Variants in SLC35D2 observed in about 807,000 individuals in gnomAD.
SLC35D2 encodes nucleotide sugar transporter SLC35D2.
Under a neutral mutation model 41.8 loss-of-function variants are expected in SLC35D2, and 43 were observed. That is an observed-to-expected ratio of 1.03 (90% CI 0.81 to 1.33). The LOEUF (loss-of-function observed/expected upper bound fraction) is 1.33, where lower values mean the gene tolerates loss of function less well. Ranked by LOEUF, SLC35D2 falls within the 40% of genes most tolerant of loss-of-function variation. The probability of loss-of-function intolerance (pLI) is 0.00; values close to 1 mark genes in which losing one functional copy is unlikely to be tolerated. For missense variants in SLC35D2, 380 were observed against 408.4 expected, an observed-to-expected ratio of 0.93 and a Z score of 0.60; for synonymous variants, 150 against 163.9, an observed-to-expected ratio of 0.92 and a Z score of 0.65.
At chr9:96,333,058 C>A (rs1407600947) in intron 9 of SLC35D2, among the ~76,000 whole-genome samples, 2 of 150,474 alleles carry the variant, frequency 1.3e-5, no homozygotes, top group African/African-American at 4.9e-5. Flanking sequence ...GCCACCAGGC[C>A]CAGCTAATTT....
At chr9:96,354,432 CA>C (rs1829935552) in intron 4 of SLC35D2, among the ~76,000 whole-genome samples, 1 of 152,010 alleles carries the variant, frequency 6.6e-6, no homozygotes, top group African/African-American at 2.4e-5. Flanking sequence ...AACGAATATA[CA>C]AAAGTCAACT....
intron 1 of SLC35D2, among the ~76,000 whole-genome samples, chr9:96,377,266 G>A (rs1831000517): frequency 6.6e-6 from 1 of 152,090 alleles, no homozygotes; most frequent in Admixed American, 6.6e-5. Context: ...GGTAGGAAAA[G>A]CATTCGGGTA....
intron 4 of SLC35D2, among the ~76,000 whole-genome samples, chr9:96,353,802 T>C (rs1276446392): frequency 6.6e-6 from 1 of 152,228 alleles, no homozygotes; most frequent in East Asian, 1.9e-4. Flanking sequence ...GCTCAGCGCA[T>C]AGTCAACAGA....
rs192956074 is a variant in SLC35D2, at chr9:96,363,126, C to T, written c.279+1338G>A. Among the ~76,000 whole-genome samples the T allele has an allele frequency of 7.2e-3, 1,087 of 151,902 alleles. 11 individuals are homozygous for T. Among genetic ancestry groups the T allele is most frequent in the Middle Eastern group, 0.034 (10 of 292 alleles). ...TCGTGATCTGCCTGCCTTGGCCTCC[C>T]GAAGTGCTGGGATTACAGGCGTGAG... is the stretch of plus-strand genomic sequence containing the variant. On this transcript the variant is annotated intron_variant, in intron 3 of 11. Transcript: ENST00000253270.
intron 6 of SLC35D2, 85 bp downstream of exon 6, chr9:96,351,018 T>C: frequency 2.0e-6 from 2 of 1,021,386 alleles, no homozygotes; most frequent in African/African-American, 1.6e-5. Flanking sequence ...AGCAGCCAGA[T>C]GGAAAATGAA....
intron 1 of SLC35D2, among the ~76,000 whole-genome samples, chr9:96,376,317 C>T (rs1021915177): frequency 7.5e-6 from 1 of 133,508 alleles, no homozygotes; most frequent in Non-Finnish European, 1.6e-5. Flanking sequence ...AAAAAAAATA[C>T]AAAAACTGGC....
chr9:96,362,955 C>T (rs1587707585), intron 3 of SLC35D2, among the ~76,000 whole-genome samples: 1 of 151,608 alleles, frequency 6.6e-6, no homozygotes, highest in East Asian at 1.9e-4. Context: ...CAACCTCTGC[C>T]TCCTGGGTTC....
chr9:96,376,958 G>A (rs187328586), intron 1 of SLC35D2, among the ~76,000 whole-genome samples: 70 of 150,582 alleles, frequency 4.6e-4, no homozygotes, highest in African/African-American at 1.6e-3. Context: ...TGTGGTTTTC[G>A]GCTCACAACA....
chr9:96,337,404 G>C (rs921726611), intron 8 of SLC35D2, among the ~76,000 whole-genome samples: 47 of 151,314 alleles, frequency 3.1e-4, no homozygotes, highest in African/African-American at 1.1e-3. Context: ...TTTAAGTAGA[G>C]ACAGGGTCTC....
downstream of SLC35D2, among the ~76,000 whole-genome samples, chr9:96,317,514 AGGGCTGCT>A (rs1828081710): frequency 6.6e-6 from 1 of 152,168 alleles, no homozygotes; most frequent in South Asian, 2.1e-4. Flanking sequence ...CCCAGCTCCT[AGGGCTGCT>A]GGGCTGCTCT....
chr9:96,351,205 A>G (rs1346903539), intron 5 of SLC35D2, 34 bp from the exon 6 acceptor site: 2 of 1,403,610 alleles, frequency 1.4e-6, no homozygotes, highest in Non-Finnish European at 2.0e-6. Flanking sequence ...AAGGAAAGGG[A>G]GCAGAGAGGA....
intron 1 of SLC35D2, among the ~76,000 whole-genome samples, chr9:96,382,156 T>G (rs1334430918): frequency 6.6e-6 from 1 of 151,992 alleles, no homozygotes; most frequent in African/African-American, 2.4e-5. Context: ...CGAGCTTATG[T>G]GGGCCTCAGT....
chr9:96,380,625 T>G (rs1207582512), intron 1 of SLC35D2, among the ~76,000 whole-genome samples: 2 of 149,970 alleles, frequency 1.3e-5, no homozygotes, highest in Admixed American at 6.7e-5. Flanking sequence ...GCCCAGCTAG[T>G]TTTTTTTTGT....
At chr9:96,376,926 G>A (rs78437513) in intron 1 of SLC35D2, among the ~76,000 whole-genome samples, 3,820 of 151,264 alleles carry the variant, frequency 0.025, 72 homozygotes, top group Middle Eastern at 0.055. Context: ...TCAACAATTT[G>A]AAAGTAAACC....
chr9:96,347,515 A>G (rs1829633667), intron 6 of SLC35D2, among the ~76,000 whole-genome samples: 1 of 152,212 alleles, frequency 6.6e-6, no homozygotes, highest in South Asian at 2.1e-4. Flanking sequence ...CTGGGACTAC[A>G]GGCATGTGCC....
chr9:96,381,437 C>T (rs1426521637), intron 1 of SLC35D2, among the ~76,000 whole-genome samples: 1 of 152,220 alleles, frequency 6.6e-6, no homozygotes, highest in African/African-American at 2.4e-5. Flanking sequence ...TTCACTCCTC[C>T]AGGCCTGGAA....
At chr9:96,351,709 T>C (rs958603691) in intron 5 of SLC35D2, among the ~76,000 whole-genome samples, 2 of 152,186 alleles carry the variant, frequency 1.3e-5, no homozygotes, top group East Asian at 1.9e-4. Context: ...CCTGTATGTA[T>C]ACATGGACAG....
chr9:96,374,843 C>CA (rs1179481303), intron 1 of SLC35D2, among the ~76,000 whole-genome samples: 2,166 of 107,402 alleles, frequency 0.02, 40 homozygotes, highest in African/African-American at 0.059. Context: ...CACTCCGCCT[C>CA]AAAAAAAAAA....
chr9:96,339,345 A>T (rs1245752251), intron 8 of SLC35D2, among the ~76,000 whole-genome samples: 1 of 152,160 alleles, frequency 6.6e-6, no homozygotes, highest in Admixed American at 6.5e-5. Flanking sequence ...TCTTGACCTC[A>T]TGATCTGCCC....
Sources: allele counts gnomAD v4.1 joint callset (sites outside exome capture counted in the v4.1 genomes callset), GRCh38; gene constraint gnomAD v4.1.1; transcripts MANE v1.5; gene names NCBI Gene and HGNC (gene_info 2026-07-23, HGNC 2026-07-21).